Variants in CTNNA2 observed in about 807,000 individuals in gnomAD.
CTNNA2 encodes the protein catenin alpha-2.
A neutral mutation model predicts 101.0 loss-of-function variants in CTNNA2; 42 were observed. The ratio of observed to expected loss-of-function variants is 0.42; its 90% CI spans 0.32 to 0.54. The LOEUF is 0.54. Ranked by LOEUF, CTNNA2 falls within the 20% of genes least tolerant of loss-of-function variation. The pLI, the probability that CTNNA2 is intolerant of heterozygous loss-of-function variation, is 0.14. For synonymous variants in CTNNA2, 450 were observed against 456.4 expected, an observed-to-expected ratio of 0.99 and a Z score of 0.18; for missense variants, 871 against 1,223.1, an observed-to-expected ratio of 0.71 and a Z score of 4.29.
intron 2 of CTNNA2, among the ~76,000 whole-genome samples, chr2:79,291,111 A>G (rs974151345): frequency 1.3e-5 from 2 of 152,102 alleles, no homozygotes; most frequent in Non-Finnish European, 2.9e-5. Flanking sequence ...TCTGTCACAC[A>G]CTCTGTGAGG....
intron 7 of CTNNA2, among the ~76,000 whole-genome samples, chr2:80,103,722 ATGTTT>A (rs1035417331): frequency 2.6e-5 from 4 of 151,962 alleles, no homozygotes; most frequent in African/African-American, 7.2e-5. Flanking sequence ...AGCTTAAATA[ATGTTT>A]TGTTTTGTTT....
At chr2:80,586,507 A>G (rs1034406588) in intron 14 of CTNNA2, 8 of 152,198 alleles carry the variant, frequency 5.3e-5, no homozygotes, top group African/African-American at 1.9e-4. Context: ...GAGGAGGACA[A>G]TAAACCAAAA....
At chr2:79,218,832 C>A (rs1020322694) in intron 2 of CTNNA2, among the ~76,000 whole-genome samples, 3 of 152,116 alleles carry the variant, frequency 2.0e-5, no homozygotes, top group African/African-American at 4.8e-5. Flanking sequence ...TAACTTTTTG[C>A]TAAAGTTCAA....
At chr2:79,243,924 C>G (rs957107226) in intron 2 of CTNNA2, among the ~76,000 whole-genome samples, 1 of 152,164 alleles carries the variant, frequency 6.6e-6, no homozygotes, top group African/African-American at 2.4e-5. Context: ...GTTCCACTTG[C>G]CAAGGTATAG....
chr2:79,936,420 C>T (rs990462084), intron 7 of CTNNA2, among the ~76,000 whole-genome samples: 1 of 152,076 alleles, frequency 6.6e-6, no homozygotes, highest in East Asian at 1.9e-4. Flanking sequence ...TGAATGTGCC[C>T]TGTGGGAACA....
At chr2:79,369,929 G>GT (rs1321090650) in intron 3 of CTNNA2, among the ~76,000 whole-genome samples, 1 of 152,104 alleles carries the variant, frequency 6.6e-6, no homozygotes, top group Non-Finnish European at 1.5e-5. Flanking sequence ...TGTTTTGTGT[G>GT]TTTGCATATT....
chr2:79,220,809 G>A (rs1345632928), intron 2 of CTNNA2, among the ~76,000 whole-genome samples: 3 of 152,118 alleles, frequency 2.0e-5, no homozygotes, highest in African/African-American at 4.8e-5. Flanking sequence ...AATAATTAAA[G>A]CTTCACCTGA....
intron 3 of CTNNA2, among the ~76,000 whole-genome samples, chr2:79,326,288 T>TAAAC (rs1278110992): frequency 2.5e-4 from 32 of 128,108 alleles, no homozygotes; most frequent in Admixed American, 7.8e-4. Context: ...AGAATATCAC[T>TAAAC]AAACAAACAA....
chr2:79,842,863 T>C (rs1279464001), intron 3 of CTNNA2, among the ~76,000 whole-genome samples: 1 of 152,142 alleles, frequency 6.6e-6, no homozygotes, highest in African/African-American at 2.4e-5. Context: ...AAAAGCATCA[T>C]TGAAATTGTT....
At chr2:79,394,870 C>T (rs1678212976) in intron 4 of CTNNA2, among the ~76,000 whole-genome samples, 1 of 152,108 alleles carries the variant, frequency 6.6e-6, no homozygotes, top group Admixed American at 6.5e-5. Context: ...TACCCCAGTC[C>T]AAATAGACAC....
At chr2:80,483,682 C>G (rs544668990) in intron 9 of CTNNA2, among the ~76,000 whole-genome samples, 1 of 152,194 alleles carries the variant, frequency 6.6e-6, no homozygotes, top group South Asian at 2.1e-4. Flanking sequence ...AGACACAACT[C>G]TTTACCAAAA....
chr2:79,703,953 T>A (rs1302725942), intron 2 of CTNNA2, among the ~76,000 whole-genome samples: 2 of 151,810 alleles, frequency 1.3e-5, no homozygotes, highest in Admixed American at 6.5e-5. Flanking sequence ...TTTAAATTTA[T>A]GTGATAAGTT....
intron 7 of CTNNA2, among the ~76,000 whole-genome samples, chr2:80,346,799 T>A (rs1573790775): frequency 6.6e-6 from 1 of 152,212 alleles, no homozygotes; most frequent in African/African-American, 2.4e-5. Context: ...GGAATGAAAT[T>A]ATTTTAATTT....
intron 7 of CTNNA2, among the ~76,000 whole-genome samples, chr2:80,030,347 CATA>C (rs1204977256): frequency 6.6e-6 from 1 of 152,074 alleles, no homozygotes; most frequent in Non-Finnish European, 1.5e-5. Context: ...TTGTGGTTAG[CATA>C]ATGTCTGTAT....
chr2:80,152,367 G>A (rs73940977), intron 7 of CTNNA2, among the ~76,000 whole-genome samples: 3,350 of 151,054 alleles, frequency 0.022, 120 homozygotes, highest in African/African-American at 0.076. Flanking sequence ...CTGTGCATGT[G>A]TGCTTATGTG....
At chr2:80,473,229 A>G (rs1685448279) in intron 9 of CTNNA2, among the ~76,000 whole-genome samples, 1 of 152,162 alleles carries the variant, frequency 6.6e-6, no homozygotes, top group Admixed American at 6.5e-5. Flanking sequence ...ATTGAGCTGG[A>G]AGCCAGATCA....
intron 9 of CTNNA2, among the ~76,000 whole-genome samples, chr2:80,542,975 G>T (rs1213257667): frequency 6.6e-6 from 1 of 152,076 alleles, no homozygotes; most frequent in Non-Finnish European, 1.5e-5. Context: ...CATAACATTG[G>T]TTAACATCTG....
chr2:80,040,212 T>C (rs1297881582), intron 7 of CTNNA2, among the ~76,000 whole-genome samples: 1 of 152,194 alleles, frequency 6.6e-6, no homozygotes, highest in Non-Finnish European at 1.5e-5. Flanking sequence ...ATCTGCTGAG[T>C]TTAATTTTGT....
chr2:80,030,437 T>C (rs1299375450), intron 7 of CTNNA2: 6 of 152,142 alleles, frequency 3.9e-5, no homozygotes, highest in Non-Finnish European at 5.9e-5. Flanking sequence ...TGAGTAGCAG[T>C]GTCAAGCACC....
Sources: gnomAD v4.1 joint callset for allele counts (sites outside exome capture counted in the v4.1 genomes callset) on GRCh38, gnomAD v4.1.1 for gene constraint, MANE v1.5 for transcripts, NCBI Gene and HGNC (gene_info 2026-07-23, HGNC 2026-07-21) for gene names.